CCDC12: variants seen among roughly 807,000 people sequenced by gnomAD.
CCDC12 encodes coiled-coil domain-containing protein 12.
In CCDC12, 28 loss-of-function variants were observed where a neutral mutation model predicts 25.7. That is an observed-to-expected ratio of 1.09 (90% CI 0.81 to 1.50). The LOEUF (loss-of-function observed/expected upper bound fraction) is 1.50. CCDC12 is among the 40% of genes most tolerant of loss of function. The pLI, the probability that CCDC12 is intolerant of heterozygous loss-of-function variation, is 0.00. For synonymous variants in CCDC12, 75 were observed against 87.7 expected, an observed-to-expected ratio of 0.86 and a Z score of 0.81; for missense variants, 198 against 210.0, an observed-to-expected ratio of 0.94 and a Z score of 0.35.
chr3:46,969,890 T>C (rs756970009), intron 1 of CCDC12, among the ~76,000 whole-genome samples: 28 of 141,132 alleles, frequency 2.0e-4, no homozygotes, highest in Non-Finnish European at 2.9e-4. Context: ...AATGTCGCAG[T>C]AGCCATATTT....
At chr3:46,922,897 T>C in intron 5 of CCDC12, 1 of 176,106 alleles carries the variant, frequency 5.7e-6, no homozygotes, top group Admixed American at 5.8e-5. Flanking sequence ...TCCCACTCTC[T>C]CTCAGCCTAG....
intron 1 of CCDC12, among the ~76,000 whole-genome samples, chr3:46,972,137 A>C (rs80032700): frequency 0.013 from 1,932 of 152,322 alleles, 24 homozygotes; most frequent in South Asian, 0.05. Flanking sequence ...AAAACAGATA[A>C]ATTGAACTTC....
chr3:46,980,563 T>C (rs2035256850), upstream of CCDC12, among the ~76,000 whole-genome samples: 2 of 152,084 alleles, frequency 1.3e-5, no homozygotes, highest in African/African-American at 2.4e-5. Context: ...GAAAAGGTTT[T>C]CCTCTGGATG....
At chr3:46,961,649 A>G (rs2034469461) in intron 1 of CCDC12, among the ~76,000 whole-genome samples, 2 of 152,288 alleles carry the variant, frequency 1.3e-5, no homozygotes, top group South Asian at 4.1e-4. Context: ...TTGTTAAAAT[A>G]AGTTTAAGAG....
At chr3:46,951,653 A>G (rs13074884) in intron 1 of CCDC12, among the ~76,000 whole-genome samples, 138,476 of 146,618 alleles carry the variant, frequency 0.94, 65,961 homozygotes, top group East Asian at 1. Context: ...GGTGGCGGGC[A>G]CCTGCAGTCC....
At chr3:46,970,825 A>C (rs1326796980) in intron 1 of CCDC12, among the ~76,000 whole-genome samples, 1 of 42,440 alleles carries the variant, frequency 2.4e-5, no homozygotes, top group Non-Finnish European at 8.2e-5. Flanking sequence ...CACTGTAAAG[A>C]GATGCCAGAG....
intron 1 of CCDC12, among the ~76,000 whole-genome samples, chr3:46,946,886 A>C (rs548056900): frequency 6.6e-6 from 1 of 152,290 alleles, no homozygotes; most frequent in East Asian, 1.9e-4. Context: ...AAGACTTCCC[A>C]AGGACTCAAA....
chr3:46,921,834 A>C lies in CCDC12; in HGVS notation c.*223T>G. On this transcript the variant is annotated 3_prime_UTR_variant, in exon 7 of 7. Transcript: ENST00000683445. ...TATGTACATCCACATGTGCAGACACAGGCACGCCCAGAGTTGTTGCTGGTT... is the reference window on the plus strand; with the variant it reads ...TATGTACATCCACATGTGCAGACACCGGCACGCCCAGAGTTGTTGCTGGTT... 1.7e-6 allele frequency: 1 copy of C among 594,014 alleles called. No homozygotes were observed. Among genetic ancestry groups the C allele is most frequent in the Non-Finnish European group, 3.0e-6 (1 of 332,772 alleles). The allele number at this position is 594,014 out of a possible 1,614,324, so 36.8% of individuals were successfully genotyped here. A position where few individuals can be genotyped will look rare whatever the true frequency, so the allele number is the denominator to read the frequency against.
At position 46,923,611 on chromosome 3, in the gene CCDC12, T is replaced by A; in HGVS notation, c.302A>T (p.Glu101Val). 1 of 1,601,456 alleles carries A rather than the reference T, an allele frequency of 6.2e-7. No individual in the cohort carries two copies. The highest frequency in any genetic ancestry group is 8.5e-7 in the Non-Finnish European group (1 of 1,173,512). Residue 101 changes from glutamate to valine, a missense_variant, in exon 4 of 7, where the codon GAG becomes GTG. Coordinates refer to ENST00000683445, the MANE Select transcript of CCDC12 (RefSeq NM_001277074.2). ...EAAKPEPVIE[E>V]VDLANLAPRK... ...CAGGGTGGTCCAGGCACTCACCACC[T>A]CCTCGATGACGGGCTCGGGCTTGGC...
chr3:46,928,914 C>A (rs1249634278), intron 2 of CCDC12, among the ~76,000 whole-genome samples: 1 of 152,050 alleles, frequency 6.6e-6, no homozygotes, highest in African/African-American at 2.4e-5. Flanking sequence ...ATTGCTTGAG[C>A]CAGGCGTTCA....
At chr3:46,958,493 C>T (rs1403970272) in intron 1 of CCDC12, among the ~76,000 whole-genome samples, 2 of 152,100 alleles carry the variant, frequency 1.3e-5, no homozygotes, top group Admixed American at 6.5e-5. Context: ...TAACCAGCTG[C>T]AGAAATAAAA....
rs12630049 is a variant in CCDC12 at position 46,927,805 on chromosome 3, G to A, written c.165-2270C>T. ...GATGTGCAGCCACTGTTGTGTGATC[G>A]CGTGAAAATGGTGCAGTCTCTGACC... On this transcript the variant is annotated intron_variant, in intron 2 of 6. Transcript: ENST00000683445. Among the ~76,000 whole-genome samples the A allele has an allele frequency of 8.0e-4, 122 of 152,246 alleles. 3 individuals carry two copies. In the East Asian group the frequency reaches 0.02, roughly 26 times the overall value.
At chr3:46,948,278 C>T (rs1266962225) in intron 1 of CCDC12, among the ~76,000 whole-genome samples, 1 of 152,214 alleles carries the variant, frequency 6.6e-6, no homozygotes, top group African/African-American at 2.4e-5. Flanking sequence ...AGCTAAGAGC[C>T]ACTGCTCTCC....
In CCDC12 at chr3:46,930,140, G is replaced by T. The variant is rs183319583; in HGVS notation, c.165-4605C>A. Among the ~76,000 whole-genome samples the T allele has an allele frequency of 3.3e-5, 5 of 151,556 alleles. No homozygotes were observed. In the East Asian group the frequency reaches 9.7e-4, roughly 29 times the overall value. On this transcript the variant is annotated intron_variant, in intron 2 of 6. Transcript: ENST00000683445. The stretch of plus-strand genomic sequence containing the variant: ...TCCTCCTGTCTCAGCCTCCTGAATA[G>T]CTGGGACTACAGGCATGAGCCACCA...
chr3:46,929,603 T>C (rs1453278776), intron 2 of CCDC12, among the ~76,000 whole-genome samples: 1 of 152,204 alleles, frequency 6.6e-6, no homozygotes, highest in Non-Finnish European at 1.5e-5. Flanking sequence ...CAAACAATGG[T>C]TCTGCCACCC....
upstream of CCDC12, chr3:46,979,943 G>A (rs994421378): frequency 1.5e-5 from 5 of 343,238 alleles, no homozygotes; most frequent in African/African-American, 6.5e-5. Context: ...GCCCGCACCC[G>A]CACCCGCGGT....
intron 2 of CCDC12, among the ~76,000 whole-genome samples, chr3:46,932,378 T>G (rs1042207713): frequency 1.6e-4 from 24 of 152,320 alleles, no homozygotes; most frequent in Admixed American, 1.4e-3. Context: ...GTGGTTGATA[T>G]TTTTCTTTAG....
upstream of CCDC12, chr3:46,977,108 T>C: frequency 4.2e-6 from 1 of 236,248 alleles, no homozygotes; most frequent in Non-Finnish European, 8.4e-6. Context: ...CACTAATCAC[T>C]CCATGCTGGC....
At chr3:46,961,822 T>C (rs2034473197) in intron 1 of CCDC12, among the ~76,000 whole-genome samples, 1 of 152,244 alleles carries the variant, frequency 6.6e-6, no homozygotes, top group South Asian at 2.1e-4. Context: ...GTTAACAGCA[T>C]GATCATAAAC....
Sources: gnomAD v4.1 joint callset for allele counts (sites outside exome capture counted in the v4.1 genomes callset) on GRCh38, gnomAD v4.1.1 for gene constraint, MANE v1.5 for transcripts, NCBI Gene and HGNC (gene_info 2026-07-23, HGNC 2026-07-21) for gene names.